Variants in CAMK2G observed in about 807,000 individuals in gnomAD.
The protein encoded by CAMK2G is calcium/calmodulin dependent protein kinase II gamma, also known as calcium/calmodulin-dependent protein kinase type II subunit gamma.
Under a neutral mutation model 88.7 loss-of-function variants are expected in CAMK2G, and 23 were observed. The ratio of observed to expected loss-of-function variants is 0.26; its 90% CI spans 0.19 to 0.37. The LOEUF (loss-of-function observed/expected upper bound fraction) is 0.37. Ranked by LOEUF, CAMK2G falls within the 10% of genes least tolerant of loss-of-function variation. The probability of loss-of-function intolerance (pLI) is 1.00; values close to 1 mark genes in which losing one functional copy is unlikely to be tolerated. For synonymous variants in CAMK2G, 263 were observed against 294.8 expected (o/e 0.89, Z 1.11); for missense variants, 476 against 780.8 (o/e 0.61, Z 4.65).
chr10:73,848,724 C>G lies in CAMK2G; in HGVS notation c.518-115G>C. ...TCCTGCTGCTTTTGCTACATAAACT[C>G]TCAGCACATGGGCAGCAAGAGCTGA... On this transcript the variant is annotated intron_variant, in intron 7 of 22. Transcript: ENST00000423381. This position sits in a 1 kb window ranked among gnomAD's most constrained non-coding sequence, Gnocchi z 4.5. The G allele has an allele frequency of 2.9e-6, 2 of 682,512 alleles. No individual in the cohort carries two copies. The highest frequency in any genetic ancestry group is 5.2e-6 in the Non-Finnish European group (2 of 387,200). 42.3% of individuals were successfully genotyped at this position (682,512 alleles called of 1,614,324 possible). A position where few individuals can be genotyped will look rare whatever the true frequency, so the allele number is the denominator to read the frequency against.
chr10:73,821,594 C>G, intron 18 of CAMK2G, 88 bp downstream of exon 18: 3 of 988,944 alleles, frequency 3.0e-6, no homozygotes, highest in Non-Finnish European at 3.2e-6. Context: ...ATTCCCAGTT[C>G]TGGGGACAGA....
At chr10:73,837,859 T>C (rs935151272) in intron 13 of CAMK2G, among the ~76,000 whole-genome samples, 28 of 151,734 alleles carry the variant, frequency 1.8e-4, no homozygotes, top group African/African-American at 6.8e-4. Context: ...GGTGAAAGAG[T>C]GAGGGCTCCA....
chr10:73,847,937 GC>G (rs1555047147), intron 9 of CAMK2G, 50 bp downstream of exon 9: 1 of 933,542 alleles, frequency 1.1e-6, no homozygotes, highest in South Asian at 1.3e-5. Context: ...AGCCCGAGGA[GC>G]AAGGACATCT....
chr10:73,873,814 G>GTGCGGAGGGGAGGGGGA (rs1310744316), intron 1 of CAMK2G, among the ~76,000 whole-genome samples: 3 of 136,112 alleles, frequency 2.2e-5, no homozygotes, highest in Non-Finnish European at 3.2e-5. Flanking sequence ...GGCCAGCTCA[G>GTGCGGAGGGGAGGGGGA]TGCGGAGGGG....
intron 18 of CAMK2G, among the ~76,000 whole-genome samples, chr10:73,820,039 G>T (rs1262714178): frequency 6.6e-6 from 1 of 152,194 alleles, no homozygotes; most frequent in Non-Finnish European, 1.5e-5. Context: ...ACTCACAGGG[G>T]CCTGGAGCTA....
intron 20 of CAMK2G, among the ~76,000 whole-genome samples, 163 bp downstream of exon 20, chr10:73,817,316 C>G (rs1403288131): frequency 6.6e-6 from 1 of 152,194 alleles, no homozygotes; most frequent in Non-Finnish European, 1.5e-5. Flanking sequence ...TGGGTGAGCT[C>G]AGGGAATCTA....
At chr10:73,820,492 A>ATATATATATTT (rs1554995765) in intron 18 of CAMK2G, among the ~76,000 whole-genome samples, 13 of 51,058 alleles carry the variant, frequency 2.5e-4, no homozygotes, top group African/African-American at 4.4e-4. Flanking sequence ...ATATATATAT[A>ATATATATATTT]TTTTTTTTTT....
At chr10:73,816,965 C>CA (rs776693750) in intron 21 of CAMK2G, 58 bp downstream of exon 21, 1 of 1,613,784 alleles carries the variant, frequency 6.2e-7, no homozygotes. Context: ...GAGCAGGAGA[C>CA]AGAGACAAAG....
At chr10:73,868,703 C>G (rs1409892880) in intron 2 of CAMK2G, among the ~76,000 whole-genome samples, 1 of 152,146 alleles carries the variant, frequency 6.6e-6, no homozygotes, top group Non-Finnish European at 1.5e-5. Flanking sequence ...CCTTCTCTTT[C>G]CCTCACTTCA....
intron 14 of CAMK2G, among the ~76,000 whole-genome samples, chr10:73,836,573 G>A (rs540989431): frequency 1.6e-4 from 25 of 152,330 alleles, no homozygotes; most frequent in African/African-American, 6.0e-4. Flanking sequence ...TGCAGAGAAT[G>A]AGGGAAAGAG....
intron 14 of CAMK2G, among the ~76,000 whole-genome samples, chr10:73,835,160 G>T (rs753085773): frequency 1.3e-5 from 2 of 152,112 alleles, no homozygotes; most frequent in Non-Finnish European, 2.9e-5. Flanking sequence ...TGCTCCCCCA[G>T]CACCTGCCAG....
At position 73,842,433 on chromosome 10, in the gene CAMK2G, C is replaced by CT. The variant is rs1565346451; in HGVS notation, c.903+24dup. On this transcript the variant is annotated intron_variant, in intron 11 of 22. Coordinates refer to ENST00000423381, the MANE Select transcript of CAMK2G (RefSeq NM_001367534.1). The surrounding 1 kb of genome is among the most constrained non-coding windows in gnomAD (Gnocchi z 4.6). ...GGTGCAAGGCATGATGTCAAGGAGGCTGGCAGCCTAGAAACGACACTCACC... is the reference window on the plus strand; with the variant it reads ...GGTGCAAGGCATGATGTCAAGGAGGCTTGGCAGCCTAGAAACGACACTCACC... 6.4e-7 allele frequency: 1 copy of CT among 1,559,214 alleles called. No individual in the cohort carries two copies. Among genetic ancestry groups the CT allele is most frequent in the Admixed American group, 1.7e-5 (1 of 59,972 alleles).
Position 73,813,802 on chromosome 10 carries a change from G to C in CAMK2G, c.*716C>G, listed in dbSNP as rs2084679776. 1.3e-5 allele frequency: 2 copies of C among 152,678 alleles called. No homozygotes were observed. Among genetic ancestry groups the C allele is most frequent in the African/African-American group, 4.8e-5 (2 of 41,416 alleles). 9.5% of individuals were successfully genotyped at this position (152,678 alleles called of 1,614,324 possible). On this transcript the variant is annotated 3_prime_UTR_variant, in exon 23 of 23. Transcript: ENST00000423381. ...TCAGACTAACACGAGGTTTCTCATC[G>C]GCTTCATGGCGGGTACACTTCTGCA...
At chr10:73,852,691 T>G in intron 4 of CAMK2G, 1 of 274,610 alleles carries the variant, frequency 3.6e-6, no homozygotes, top group Non-Finnish European at 7.0e-6. Flanking sequence ...CTACTGAAGT[T>G]GAAGAGTAAT....
chr10:73,839,822 G>T lies in CAMK2G; in HGVS notation c.947-221C>A, dbSNP rs1007244523. Among the ~76,000 whole-genome samples the T allele has an allele frequency of 6.6e-6, 1 of 152,178 alleles. No individual in the cohort carries two copies. Among genetic ancestry groups the T allele is most frequent in the Non-Finnish European group, 1.5e-5 (1 of 68,012 alleles). ...GCTGGGCCAGGGCATAGGGAACACT[G>T]CGTCCCCACCAGATGGAGAGGGCTG... On this transcript the variant is annotated intron_variant, in intron 12 of 22. Transcript: ENST00000423381. The surrounding 1 kb of genome is among the most constrained non-coding windows in gnomAD (Gnocchi z 4.2).
chr10:73,864,335 C>A (rs2095503126), intron 2 of CAMK2G, among the ~76,000 whole-genome samples: 1 of 151,776 alleles, frequency 6.6e-6, no homozygotes, highest in African/African-American at 2.4e-5. Flanking sequence ...TACTATGTGA[C>A]AGACAGTATT....
chr10:73,832,571 C>T (rs959115329), intron 14 of CAMK2G, among the ~76,000 whole-genome samples: 1 of 152,170 alleles, frequency 6.6e-6, no homozygotes, highest in African/African-American at 2.4e-5. Context: ...TCCCAAAGTG[C>T]TGGGATTACA....
intron 10 of CAMK2G, chr10:73,846,437 A>C (rs2094246671): frequency 6.6e-6 from 1 of 152,190 alleles, no homozygotes; most frequent in Non-Finnish European, 1.5e-5. Flanking sequence ...GAACAGTAGG[A>C]GCTCCTGTAC....
At chr10:73,837,785 C>T (rs111959659) in intron 13 of CAMK2G, among the ~76,000 whole-genome samples, 1,528 of 152,256 alleles carry the variant, frequency 0.01, 36 homozygotes, top group East Asian at 0.049. Flanking sequence ...GTACTGGAGC[C>T]GCCTGGGGCA....
Sources: allele counts gnomAD v4.1 joint callset (sites outside exome capture counted in the v4.1 genomes callset), GRCh38; gene constraint gnomAD v4.1.1; non-coding constraint Gnocchi (gnomAD v3.1); transcripts MANE v1.5; gene names NCBI Gene and HGNC (gene_info 2026-07-23, HGNC 2026-07-21).